THRA: variants seen among roughly 807,000 people sequenced by gnomAD.
THRA encodes the protein thyroid hormone receptor alpha.
In THRA, 13 loss-of-function variants were observed where a neutral mutation model predicts 45.0. The observed-to-expected ratio is 0.29, with a 90% confidence interval of 0.19 to 0.46. The LOEUF (loss-of-function observed/expected upper bound fraction) is 0.46, where lower values mean the gene tolerates loss of function less well. Ranked by LOEUF, THRA falls within the 20% of genes least tolerant of loss-of-function variation. THRA has a pLI of 1.00. For missense variants in THRA, 278 were observed against 556.1 expected (o/e 0.50, Z 5.03); for synonymous variants, 195 against 214.0 (o/e 0.91, Z 0.78).
intron 2 of THRA, among the ~76,000 whole-genome samples, chr17:40,075,848 A>T (rs1197067437): frequency 6.6e-6 from 1 of 152,200 alleles, no homozygotes; most frequent in African/African-American, 2.4e-5. Context: ...GCCTCATAGG[A>T]AGTAGACCGG....
intron 4 of THRA, among the ~76,000 whole-genome samples, chr17:40,081,988 AAAAAT>A (rs1374925556): frequency 3.3e-5 from 5 of 151,998 alleles, no homozygotes; most frequent in South Asian, 2.1e-4. Flanking sequence ...ATTAAATTAA[AAAAAT>A]AAAATAAAGG....
Position 40,088,411 on chromosome 17 carries a change from C to G in THRA, c.893C>G (p.Ala298Gly). The G allele has an allele frequency of 6.2e-7, 1 of 1,614,100 alleles. No individual in the cohort carries two copies. The highest frequency in any genetic ancestry group is 8.5e-7 in the Non-Finnish European group (1 of 1,179,992). ...KNGGLGVVSD[A>G]IFELGKSLSA... ...GGCGGCCTGGGCGTAGTCTCCGACG[C>G]CATCTTTGAACTGGGCAAGTCACTC... Residue 298 changes from alanine to glycine, a missense_variant, in exon 8 of 9, where the codon GCC (alanine) becomes GGC (glycine). Physicochemically the swap from Ala to Gly is moderately conservative, Grantham distance 60. Coordinates refer to ENST00000450525, the MANE Select transcript of THRA (RefSeq NM_199334.5).
chr17:40,080,780 TG>T (rs1388391039), intron 4 of THRA, among the ~76,000 whole-genome samples: 2 of 148,730 alleles, frequency 1.3e-5, no homozygotes, highest in African/African-American at 5.0e-5. Context: ...TGGAGTGCAG[TG>T]GCGCGATCTT....
rs1035597031 is a variant in THRA, at chr17:40,074,176, TC to T, written c.-297-15del. 4 of 367,716 alleles carry T rather than the reference TC, an allele frequency of 1.1e-5. No homozygotes were observed. The highest frequency in any genetic ancestry group is 8.3e-5 in the African/African-American group (4 of 48,126). 22.8% of individuals were successfully genotyped at this position (367,716 alleles called of 1,614,324 possible). A position where few individuals can be genotyped will look rare whatever the true frequency, so the allele number is the denominator to read the frequency against. The stretch of plus-strand genomic sequence containing the variant: ...CGTGACACCTTCTTACCCCTGCCTC[TC>T]TCTTCTCTCCACAGGGATCTCTGGA... On this transcript the variant is annotated splice_polypyrimidine_tract_variant and intron_variant, in intron 1 of 8. Transcript: ENST00000450525.
intron 1 of THRA, among the ~76,000 whole-genome samples, chr17:40,063,773 G>C (rs1057168277): frequency 6.6e-6 from 1 of 152,084 alleles, no homozygotes; most frequent in Non-Finnish European, 1.5e-5. Context: ...AAATGGACCT[G>C]TGTGTGTGTA....
chr17:40,062,718 C>G (rs1312326430), upstream of THRA: 1 of 123,572 alleles, frequency 8.1e-6, no homozygotes, highest in Non-Finnish European at 1.7e-5. Flanking sequence ...CGAGTCCGAG[C>G]GGGGCGGGGC....
At position 40,083,464 on chromosome 17, in the gene THRA, C is replaced by T. The variant is rs986485694; in HGVS notation, c.223-371C>T. On this transcript the variant is annotated intron_variant, in intron 4 of 8. Coordinates refer to ENST00000450525, the MANE Select transcript of THRA (RefSeq NM_199334.5). Reference sequence around the variant, plus strand: ...CCGACCTCAGTTGATCTGCCCACCTCGGCCTCCCAAAGTGTTGGGATTACA... The same window carrying T: ...CCGACCTCAGTTGATCTGCCCACCTTGGCCTCCCAAAGTGTTGGGATTACA... Among the ~76,000 whole-genome samples, 10 of 152,170 alleles carry T rather than the reference C, an allele frequency of 6.6e-5. No individual in the cohort carries two copies. The East Asian group carries it at 7.7e-4, about 12-fold the overall frequency.
At chr17:40,084,288 C>T in intron 5 of THRA, 1 of 495,138 alleles carries the variant, frequency 2.0e-6, no homozygotes, top group Non-Finnish European at 3.6e-6. Context: ...CCAGCGAAGG[C>T]ACCCCACTTC....
intron 1 of THRA, among the ~76,000 whole-genome samples, chr17:40,071,412 G>A (rs762563544): frequency 6.6e-6 from 1 of 152,154 alleles, no homozygotes; most frequent in Non-Finnish European, 1.5e-5. Flanking sequence ...TGCCGCATTG[G>A]CCCCGTGTCC....
rs1297591787 is a variant in THRA at position 40,091,260 on chromosome 17, ACACACACACACG to A, written c.*1805_*1816del. 3 of 150,900 alleles carry A rather than the reference ACACACACACACG, an allele frequency of 2.0e-5. No homozygotes were observed. The highest frequency in any genetic ancestry group is 7.9e-5 in the African/African-American group (3 of 37,984). 9.3% of individuals were successfully genotyped at this position (150,900 alleles called of 1,614,324 possible). A position where few individuals can be genotyped will look rare whatever the true frequency, so the allele number is the denominator to read the frequency against. On this transcript the variant is annotated 3_prime_UTR_variant, in exon 9 of 9. Transcript: ENST00000450525. ...CACACACACACACACACACACACAC[ACACACACACACG>A]GACATGCACACACGGACATGGGAAG...
chr17:40,084,625 C>T lies in THRA; in HGVS notation c.386C>T (p.Ser129Leu). 1 of 1,614,044 alleles carries T rather than the reference C, an allele frequency of 6.2e-7. No individual in the cohort carries two copies. The highest frequency in any genetic ancestry group is 8.5e-7 in the Non-Finnish European group (1 of 1,180,004). The change falls in exon 6 of 9, where the codon TCG becomes TTG. Residue 129 changes from serine (S) to leucine (L), a missense_variant. This residue lies in a region of THRA where 111 missense variants were observed against 167.1 expected (regional missense o/e 0.66). Coordinates refer to ENST00000450525, the MANE Select transcript of THRA (RefSeq NM_199334.5). ...CTGTTCACAGTGGTTCTAGATGACT[C>T]GAAGCGGGTGGCCAAGCGTAAGCTG... ...GMAMDLVLDD[S>L]KRVAKRKLIE...
In THRA at chr17:40,089,811, G is replaced by T. The variant is rs1047826883; in HGVS notation, c.*355G>T. 3.5e-6 allele frequency: 4 copies of T among 1,136,052 alleles called. No homozygotes were observed. In the Admixed American group the frequency reaches 1.8e-4, roughly 52 times the overall value. The allele number at this position is 1,136,052 out of a possible 1,614,324, so 70.4% of individuals were successfully genotyped here. On this transcript the variant is annotated 3_prime_UTR_variant, in exon 9 of 9. Coordinates refer to ENST00000450525, the MANE Select transcript of THRA (RefSeq NM_199334.5). This position sits in a 1 kb window ranked among gnomAD's most constrained non-coding sequence, Gnocchi z 6.1. The stretch of plus-strand genomic sequence containing the variant: ...GAAGGAGGAATGTGGGCTGGGGGAA[G>T]ATGCCCTCAACTCACCCCCTACACA...
In THRA at chr17:40,074,549, G is replaced by A. The variant is rs1373045117; in HGVS notation, c.53+8G>A. On this transcript the variant is annotated splice_region_variant and intron_variant, in intron 2 of 8. Transcript: ENST00000450525. ...AGACCCAGAGGAGAACAGGTAATGG[G>A]TTCAGCAACTAGGTCATGCCAACTC... 6.2e-7 allele frequency: 1 copy of A among 1,614,056 alleles called. No individual in the cohort carries two copies. Among genetic ancestry groups the A allele is most frequent in the Non-Finnish European group, 8.5e-7 (1 of 1,179,928 alleles).
chr17:40,064,441 C>T (rs916278328), intron 1 of THRA, among the ~76,000 whole-genome samples: 55 of 152,318 alleles, frequency 3.6e-4, no homozygotes, highest in Admixed American at 2.6e-4. Flanking sequence ...CATTGCTTGC[C>T]GTGACAGTCG....
intron 1 of THRA, among the ~76,000 whole-genome samples, chr17:40,063,318 GGGGTTCGCAGGCGGAGA>G (rs966833450): frequency 6.6e-6 from 1 of 152,096 alleles, no homozygotes; most frequent in African/African-American, 2.4e-5. Context: ...GCTGGGCCCC[GGGGTTCGCAGGCGGAGA>G]TGGCGTCCGA....
chr17:40,076,974 C>A, intron 3 of THRA, 36 bp downstream of exon 3: 1 of 1,605,022 alleles, frequency 6.2e-7, no homozygotes, highest in East Asian at 2.2e-5. Flanking sequence ...CTCCACGTCC[C>A]CAACCCCACC....
At chr17:40,065,683 C>T (rs982892272) in intron 1 of THRA, among the ~76,000 whole-genome samples, 3 of 140,872 alleles carry the variant, frequency 2.1e-5, no homozygotes, top group Non-Finnish European at 3.1e-5. Flanking sequence ...GGGTGGGGGG[C>T]GGGGGGCTCA....
At chr17:40,075,540 G>A (rs1274111089) in intron 2 of THRA, among the ~76,000 whole-genome samples, 1 of 152,244 alleles carries the variant, frequency 6.6e-6, no homozygotes, top group Non-Finnish European at 1.5e-5. Flanking sequence ...CTGTGTGGCT[G>A]TCACTTGCAG....
intron 4 of THRA, among the ~76,000 whole-genome samples, chr17:40,083,233 C>T (rs1384483504): frequency 2.0e-5 from 3 of 149,040 alleles, no homozygotes; most frequent in Non-Finnish European, 4.5e-5. Flanking sequence ...GGCCTACGCC[C>T]AATTTTTATA....
Sources: gnomAD v4.1 joint callset for allele counts (sites outside exome capture counted in the v4.1 genomes callset) on GRCh38, gnomAD v4.1.1 for gene constraint, gnomAD v4.1.1 regional missense constraint, Gnocchi (gnomAD v3.1) non-coding constraint, MANE v1.5 for transcripts, NCBI Gene and HGNC (gene_info 2026-07-23, HGNC 2026-07-21) for gene names.